YJU2: variants seen among roughly 807,000 people sequenced by gnomAD.
YJU2 encodes the protein YJU2 splicing factor homolog, also known as splicing factor YJU2.
Under a neutral mutation model 39.6 loss-of-function variants are expected in YJU2, and 28 were observed. The observed-to-expected ratio is 0.71, with a 90% CI of 0.52 to 0.97. The LOEUF is 0.97. YJU2 is among the 50% of genes least tolerant of loss of function. The pLI, the probability that YJU2 is intolerant of heterozygous loss-of-function variation, is 0.00. For synonymous variants in YJU2, 184 were observed against 182.4 expected (o/e 1.01, Z -0.07); for missense variants, 328 against 430.4 (o/e 0.76, Z 2.11).
intron 4 of YJU2, among the ~76,000 whole-genome samples, chr19:4,257,630 C>T (rs959253345): frequency 6.6e-6 from 1 of 152,142 alleles, no homozygotes; most frequent in Non-Finnish European, 1.5e-5. Context: ...CATGCCACTA[C>T]GCCCAGCTAC....
rs141998671 is a variant in YJU2, at chr19:4,265,832, C to T, written c.709-1792C>T. Among the ~76,000 whole-genome samples, 19 of 152,088 alleles carry T rather than the reference C, an allele frequency of 1.2e-4. No individual in the cohort carries two copies. The East Asian group carries it at 3.7e-3, about 29-fold the overall frequency. ...CAGGCTGGTCTCGAACTCTTGACCT[C>T]AAGTGGTCCACCCGCCTCGGCCTCC... On this transcript the variant is annotated intron_variant, in intron 6 of 7. Coordinates refer to ENST00000262962, the MANE Select transcript of YJU2 (RefSeq NM_018074.6).
chr19:4,261,598 T>C (rs1305769563), intron 5 of YJU2, among the ~76,000 whole-genome samples: 1 of 151,316 alleles, frequency 6.6e-6, no homozygotes, highest in African/African-American at 2.4e-5. Flanking sequence ...GAGGTGGGGG[T>C]TGCAGTGAGC....
intron 4 of YJU2, among the ~76,000 whole-genome samples, chr19:4,256,169 CAA>C (rs368146793): frequency 5.1e-5 from 6 of 117,800 alleles, no homozygotes; most frequent in Admixed American, 9.2e-5. Flanking sequence ...AAGACTGTCG[CAA>C]AAAAAAAAAA....
At position 4,261,987 on chromosome 19, in the gene YJU2, C is replaced by T. The variant is rs1159185424; in HGVS notation, c.588-7C>T. On this transcript the variant is annotated splice_polypyrimidine_tract_variant and splice_region_variant and intron_variant, in intron 5 of 7. Transcript: ENST00000262962. ...GCACGTCCAAGTTCCCATCTTCCAT[C>T]CCACAGGGCCCTGTTGGAGGAAGCC... is the stretch of plus-strand genomic sequence containing the variant. The T allele has an allele frequency of 1.2e-6, 2 of 1,612,528 alleles. No individual in the cohort carries two copies. The highest frequency in any genetic ancestry group is 1.1e-5 in the South Asian group (1 of 91,030).
chr19:4,251,232 G>C (rs1970974319), intron 3 of YJU2, 61 bp downstream of exon 3: 2 of 1,543,214 alleles, frequency 1.3e-6, no homozygotes, highest in Non-Finnish European at 1.8e-6. Flanking sequence ...ATCAGGGCGG[G>C]CCCTGGGGTT....
intron 5 of YJU2, among the ~76,000 whole-genome samples, chr19:4,260,289 G>A (rs758073700): frequency 2.0e-5 from 3 of 151,504 alleles, no homozygotes; most frequent in South Asian, 2.1e-4. Context: ...TTAGCTGGGC[G>A]TGGTGGCAGA....
rs186535086 is a variant in YJU2 at position 4,268,458 on chromosome 19, A to G, written c.860-126A>G. 7.4e-4 allele frequency: 465 copies of G among 629,682 alleles called. 1 individual carries two copies. In the African/African-American group the frequency reaches 8.0e-3, roughly 11 times the overall value. The allele number at this position is 629,682 out of a possible 1,614,324, so 39.0% of individuals were successfully genotyped here. Reference sequence around the variant, plus strand: ...GGGTCCCATCAGGTGCCATCCAGAAAGGCCAGGCCATTCACATGCTGTCAC... The same window carrying G: ...GGGTCCCATCAGGTGCCATCCAGAAGGGCCAGGCCATTCACATGCTGTCAC... On this transcript the variant is annotated intron_variant, in intron 7 of 7. Transcript: ENST00000262962.
rs34728075 is a variant in YJU2, at chr19:4,259,071, C to CTTTTTTTT, written c.587+670_587+677dup. On this transcript the variant is annotated intron_variant, in intron 5 of 7. Transcript: ENST00000262962. ...TCAGGCCTCCTGGGTGAACACTTTT[C>CTTTTTTTT]TTTTTTTTTTTTTTTTTTTTTTTTT... Among the ~76,000 whole-genome samples, 135 of 90,302 alleles carry CTTTTTTTT rather than the reference C, an allele frequency of 1.5e-3. 12 individuals carry two copies. Among genetic ancestry groups the CTTTTTTTT allele is most frequent in the African/African-American group, 4.4e-3 (85 of 19,406 alleles). 59.2% of individuals were successfully genotyped at this position (90,302 alleles called of 152,430 possible). A position where few individuals can be genotyped will look rare whatever the true frequency, so the allele number is the denominator to read the frequency against.
chr19:4,254,515 C>A (rs1467592307), intron 4 of YJU2, 26 bp downstream of exon 4: 2 of 1,552,814 alleles, frequency 1.3e-6, no homozygotes. Flanking sequence ...TGTAGGTGTT[C>A]ATGGGCGCTG....
At chr19:4,251,937 A>G (rs1412930970) in intron 3 of YJU2, among the ~76,000 whole-genome samples, 1 of 152,160 alleles carries the variant, frequency 6.6e-6, no homozygotes, top group Non-Finnish European at 1.5e-5. Flanking sequence ...CAGTGAGCCA[A>G]CATTGCGCCA....
rs138355840 is a variant in YJU2, at chr19:4,268,465, G to A, written c.860-119G>A. 39 of 657,124 alleles carry A rather than the reference G, an allele frequency of 5.9e-5. 1 individual carries two copies. The Middle Eastern group carries it at 1.4e-3, about 23-fold the overall frequency. 40.7% of individuals were successfully genotyped at this position (657,124 alleles called of 1,614,324 possible). ...ATCAGGTGCCATCCAGAAAGGCCAG[G>A]CCATTCACATGCTGTCACCTCTGGA... On this transcript the variant is annotated intron_variant, in intron 7 of 7. Transcript: ENST00000262962.
chr19:4,268,761 C>A lies in YJU2; in HGVS notation c.*65C>A. 2 of 1,203,600 alleles carry A rather than the reference C, an allele frequency of 1.7e-6. No individual in the cohort carries two copies. Among genetic ancestry groups the A allele is most frequent in the Non-Finnish European group, 2.4e-6 (2 of 829,482 alleles). The allele number at this position is 1,203,600 out of a possible 1,614,324, so 74.6% of individuals were successfully genotyped here. On this transcript the variant is annotated 3_prime_UTR_variant, in exon 8 of 8. Coordinates refer to ENST00000262962, the MANE Select transcript of YJU2 (RefSeq NM_018074.6). ...CCAGCTTCAGCCACATTGAGGCCAG[C>A]ATTGCTGGTGGTCAGGGCAGGAGGC...
intron 4 of YJU2, 21 bp from the exon 5 acceptor site, chr19:4,258,221 C>G (rs1188400666): frequency 6.5e-7 from 1 of 1,549,680 alleles, no homozygotes; most frequent in Admixed American, 2.0e-5. Context: ...GCACTCAGCC[C>G]CGCCGCCCCG....
At chr19:4,263,226 G>A (rs1178933176) in intron 6 of YJU2, among the ~76,000 whole-genome samples, 2 of 152,188 alleles carry the variant, frequency 1.3e-5, no homozygotes, top group Non-Finnish European at 2.9e-5. Flanking sequence ...TGGGCTGACA[G>A]TCTAGGACTT....
rs202183584 is a variant in YJU2, at chr19:4,247,580, C to CGTGGCGTG, written c.24+411_24+412insTGGCGTGG. Among the ~76,000 whole-genome samples, 172 of 46,194 alleles carry CGTGGCGTG rather than the reference C, an allele frequency of 3.7e-3. 20 individuals are homozygous for CGTGGCGTG. The highest frequency in any genetic ancestry group is 9.0e-3 in the African/African-American group (71 of 7,876). The allele number at this position is 46,194 out of a possible 152,430, so 30.3% of individuals were successfully genotyped here. A position where few individuals can be genotyped will look rare whatever the true frequency, so the allele number is the denominator to read the frequency against. On this transcript the variant is annotated intron_variant, in intron 1 of 7. Transcript: ENST00000262962. The stretch of plus-strand genomic sequence containing the variant: ...CTTTGGGTGGGGTGGGGTGGGGTGG[C>CGTGGCGTG]GCGTGTGTGTGTGTGTGTGTGTGTG...
intron 1 of YJU2, among the ~76,000 whole-genome samples, chr19:4,247,606 T>C (rs1209466637): frequency 0.5 from 13,061 of 26,060 alleles, 3,674 homozygotes; most frequent in South Asian, 0.7. Context: ...TGTGTGTGTG[T>C]GTGTGTGTGT....
At chr19:4,251,632 C>CT (rs1252311845) in intron 3 of YJU2, among the ~76,000 whole-genome samples, 30 of 146,958 alleles carry the variant, frequency 2.0e-4, no homozygotes, top group Admixed American at 1.7e-3. Flanking sequence ...TTGCAGTGAG[C>CT]GAAGATTGCA....
intron 6 of YJU2, among the ~76,000 whole-genome samples, chr19:4,266,809 C>T (rs755136674): frequency 2.0e-4 from 31 of 152,126 alleles, no homozygotes; most frequent in Non-Finnish European, 4.3e-4. Context: ...AGCGAGATCC[C>T]GTCTCTACAA....
At chr19:4,247,720 TGG>T (rs1262090601) in intron 1 of YJU2, among the ~76,000 whole-genome samples, 1 of 148,740 alleles carries the variant, frequency 6.7e-6, no homozygotes, top group African/African-American at 2.5e-5. Flanking sequence ...TACTGGGGTC[TGG>T]TCATGCAGAT....
Sources: gnomAD v4.1 joint callset for allele counts (sites outside exome capture counted in the v4.1 genomes callset) on GRCh38, gnomAD v4.1.1 for gene constraint, MANE v1.5 for transcripts, NCBI Gene and HGNC (gene_info 2026-07-23, HGNC 2026-07-21) for gene names.